ANKIB1: variants seen among roughly 807,000 people sequenced by gnomAD.
ANKIB1 encodes ankyrin repeat and IBR domain containing 1, also known as ankyrin repeat and IBR domain-containing protein 1.
ANKIB1 carries 43 observed loss-of-function variants against 122.1 expected under a neutral mutation model. The ratio of observed to expected loss-of-function variants is 0.35; its 90% CI spans 0.28 to 0.45. The LOEUF is 0.45. Ranked by LOEUF, ANKIB1 falls within the 20% of genes least tolerant of loss-of-function variation. The pLI is 1.00. For synonymous variants in ANKIB1, 390 were observed against 442.0 expected (o/e 0.88, Z 1.48); for missense variants, 992 against 1,329.5 (o/e 0.75, Z 3.95).
intron 1 of ANKIB1, among the ~76,000 whole-genome samples, chr7:92,288,208 A>G (rs1038539989): frequency 6.6e-6 from 1 of 152,212 alleles, no homozygotes; most frequent in African/African-American, 2.4e-5. Flanking sequence ...TATATTCTAG[A>G]TATGAACACT....
intron 9 of ANKIB1, among the ~76,000 whole-genome samples, chr7:92,356,256 T>C (rs1014752702): frequency 1.3e-5 from 2 of 152,242 alleles, no homozygotes; most frequent in African/African-American, 4.8e-5. Flanking sequence ...TGAAGCAATC[T>C]GTATGTGTAG....
intron 17 of ANKIB1, among the ~76,000 whole-genome samples, chr7:92,395,187 T>C (rs1318353867): frequency 6.6e-6 from 1 of 152,188 alleles, no homozygotes; most frequent in Non-Finnish European, 1.5e-5. Flanking sequence ...TGGTCCCAGG[T>C]TGTACCCTCT....
chr7:92,263,145 A>G lies in ANKIB1; in HGVS notation c.-91+16626A>G, dbSNP rs17164470. 6.6e-3 allele frequency among the ~76,000 whole-genome samples: 1,004 copies of G among 152,292 alleles called. 43 individuals are homozygous for G. In the East Asian group the frequency reaches 0.12, roughly 18 times the overall value. Reference sequence around the variant, plus strand: ...GGCAGGATTGTATGGGAATGAAATGACAGGAGGTACATAAACCACAGGATT... The same window carrying G: ...GGCAGGATTGTATGGGAATGAAATGGCAGGAGGTACATAAACCACAGGATT... On this transcript the variant is annotated intron_variant, in intron 1 of 19. Coordinates refer to ENST00000265742, the MANE Select transcript of ANKIB1 (RefSeq NM_019004.2).
At chr7:92,254,732 A>G (rs374326305) in intron 1 of ANKIB1, among the ~76,000 whole-genome samples, 1 of 152,220 alleles carries the variant, frequency 6.6e-6, no homozygotes, top group East Asian at 1.9e-4. Flanking sequence ...ATGGATATAA[A>G]CCTTTAACTT....
At chr7:92,318,434 T>G (rs1048278536) in intron 3 of ANKIB1, among the ~76,000 whole-genome samples, 15 of 152,102 alleles carry the variant, frequency 9.9e-5, no homozygotes, top group African/African-American at 3.6e-4. Context: ...GAGAATCACT[T>G]GAACCCAGGT....
chr7:92,261,120 C>T (rs1258017741), intron 1 of ANKIB1, among the ~76,000 whole-genome samples: 4 of 151,854 alleles, frequency 2.6e-5, no homozygotes, highest in South Asian at 2.1e-4. Context: ...GAGGCCGAGG[C>T]GGGCGGATCA....
At chr7:92,260,669 C>T (rs144882766) in intron 1 of ANKIB1, among the ~76,000 whole-genome samples, 3 of 149,996 alleles carry the variant, frequency 2.0e-5, no homozygotes, top group African/African-American at 4.9e-5. Context: ...AGTCACAAAG[C>T]GAGACCCTGT....
At chr7:92,322,640 A>G (rs1310260477) in intron 4 of ANKIB1, among the ~76,000 whole-genome samples, 1 of 152,134 alleles carries the variant, frequency 6.6e-6, no homozygotes, top group Non-Finnish European at 1.5e-5. Context: ...CATGTCATAT[A>G]TTGTATTCTA....
chr7:92,254,034 G>A (rs1801386175), intron 1 of ANKIB1, among the ~76,000 whole-genome samples: 1 of 152,188 alleles, frequency 6.6e-6, no homozygotes, highest in Non-Finnish European at 1.5e-5. Context: ...GTGTGAGGAA[G>A]CTGGTCTAGT....
chr7:92,400,827 G>T lies in ANKIB1; in HGVS notation c.*1878G>T, dbSNP rs1804997207. 6.6e-6 allele frequency: 1 copy of T among 152,100 alleles called. No homozygotes were observed. Among genetic ancestry groups the T allele is most frequent in the South Asian group, 2.1e-4 (1 of 4,818 alleles). 9.4% of individuals were successfully genotyped at this position (152,100 alleles called of 1,614,324 possible). On this transcript the variant is annotated 3_prime_UTR_variant, in exon 20 of 20. Coordinates refer to ENST00000265742, the MANE Select transcript of ANKIB1 (RefSeq NM_019004.2). ...TTAACTTTATCTACAGTGTATTACTGTATATTAAACTGAAATAGTCCATTA... is the reference window on the plus strand; with the variant it reads ...TTAACTTTATCTACAGTGTATTACTTTATATTAAACTGAAATAGTCCATTA...
At chr7:92,371,953 GTGTGTGTGTGTGT>G (rs1804268900) in intron 11 of ANKIB1, among the ~76,000 whole-genome samples, 5 of 6,370 alleles carry the variant, frequency 7.8e-4, no homozygotes, top group South Asian at 4.1e-3. Flanking sequence ...AGAGAGGGGT[GTGTGTGTGTGTGT>G]GTGTGTGTGT....
intron 11 of ANKIB1, 29 bp from the exon 12 acceptor site, chr7:92,386,480 G>A: frequency 6.4e-7 from 1 of 1,562,774 alleles, no homozygotes. Flanking sequence ...AATATGGGGA[G>A]ATGTTTTCAT....
intron 15 of ANKIB1, among the ~76,000 whole-genome samples, chr7:92,390,892 C>G (rs1216211548): frequency 1.3e-5 from 2 of 152,144 alleles, no homozygotes; most frequent in African/African-American, 4.8e-5. Context: ...CTCACTACTT[C>G]TTTGTAATCT....
chr7:92,308,217 A>G (rs746689837), intron 3 of ANKIB1, among the ~76,000 whole-genome samples: 4 of 152,114 alleles, frequency 2.6e-5, no homozygotes, highest in Non-Finnish European at 2.9e-5. Context: ...GGGAGAGAGA[A>G]AGCCTCACAG....
Position 92,400,658 on chromosome 7 carries a change from G to A in ANKIB1, c.*1709G>A, listed in dbSNP as rs1471282042. 2.6e-5 allele frequency: 4 copies of A among 151,896 alleles called. No homozygotes were observed. The South Asian group carries it at 6.2e-4, about 24-fold the overall frequency. 9.4% of individuals were successfully genotyped at this position (151,896 alleles called of 1,614,324 possible). A position where few individuals can be genotyped will look rare whatever the true frequency, so the allele number is the denominator to read the frequency against. ...TTCATATTGCTAAGACACTGTATTAGAATATTTAATATTCCCCAGATCCTC... is the reference window on the plus strand; with the variant it reads ...TTCATATTGCTAAGACACTGTATTAAAATATTTAATATTCCCCAGATCCTC... On this transcript the variant is annotated 3_prime_UTR_variant, in exon 20 of 20. Transcript: ENST00000265742.
rs570624220 is a variant in ANKIB1 at position 92,381,092 on chromosome 7, G to A, written c.1618-5417G>A. ...TTGATGGAGCTGAAAACCATGGCAC[G>A]AGAACTATGTGACGCATGCATAAGC... On this transcript the variant is annotated intron_variant, in intron 11 of 19. Coordinates refer to ENST00000265742, the MANE Select transcript of ANKIB1 (RefSeq NM_019004.2). 6.6e-5 allele frequency among the ~76,000 whole-genome samples: 10 copies of A among 152,256 alleles called. No individual in the cohort carries two copies. The South Asian group carries it at 2.1e-3, about 32-fold the overall frequency.
chr7:92,266,994 A>C (rs1801685379), intron 1 of ANKIB1, among the ~76,000 whole-genome samples: 1 of 152,176 alleles, frequency 6.6e-6, no homozygotes, highest in Admixed American at 6.5e-5. Context: ...GTGAGTTGAC[A>C]GTTGGCACAC....
At chr7:92,246,738 C>T (rs1201495437) in intron 1 of ANKIB1, among the ~76,000 whole-genome samples, 1 of 152,212 alleles carries the variant, frequency 6.6e-6, no homozygotes, top group Non-Finnish European at 1.5e-5. Context: ...GCCTCCGGGT[C>T]TCCGTGACGC....
Position 92,366,578 on chromosome 7 carries a change from A to G in ANKIB1, c.1486+4305A>G, listed in dbSNP as rs533681342. 3.4e-3 allele frequency among the ~76,000 whole-genome samples: 513 copies of G among 152,306 alleles called. 2 individuals carry two copies. The highest frequency in any genetic ancestry group is 0.012 in the African/African-American group (490 of 41,554). On this transcript the variant is annotated intron_variant, in intron 10 of 19. Transcript: ENST00000265742. Reference sequence around the variant, plus strand: ...GTCCTTCTCTGGTAGAACAAATCTCAGGTGTCTTCAGTCTTTTGTCTCCTA... The same window carrying G: ...GTCCTTCTCTGGTAGAACAAATCTCGGGTGTCTTCAGTCTTTTGTCTCCTA...
Sources: gnomAD v4.1 joint callset for allele counts (sites outside exome capture counted in the v4.1 genomes callset) on GRCh38, gnomAD v4.1.1 for gene constraint, MANE v1.5 for transcripts, NCBI Gene and HGNC (gene_info 2026-07-23, HGNC 2026-07-21) for gene names.